Variants in KIAA0319 observed in about 807,000 individuals in gnomAD.
KIAA0319 encodes KIAA0319.
Under a neutral mutation model 108.4 loss-of-function variants are expected in KIAA0319, and 83 were observed. The ratio of observed to expected loss-of-function variants is 0.77; its 90% CI spans 0.64 to 0.92. The LOEUF (loss-of-function observed/expected upper bound fraction) is 0.92. Ranked by LOEUF, KIAA0319 falls within the 40% of genes least tolerant of loss-of-function variation. The pLI, the probability that KIAA0319 is intolerant of heterozygous loss-of-function variation, is 0.00. For synonymous variants in KIAA0319, 484 were observed against 510.4 expected (o/e 0.95, Z 0.70); for missense variants, 1,195 against 1,322.4 (o/e 0.90, Z 1.49).
chr6:24,569,451 T>C (rs181081966), intron 12 of KIAA0319, among the ~76,000 whole-genome samples: 22 of 152,330 alleles, frequency 1.4e-4, no homozygotes, highest in Admixed American at 1.4e-3. Context: ...CAAGCCTCAG[T>C]TTCTTCAACT....
chr6:24,611,148 G>T (rs1772251134), intron 1 of KIAA0319, among the ~76,000 whole-genome samples: 1 of 150,830 alleles, frequency 6.6e-6, no homozygotes, highest in Non-Finnish European at 1.5e-5. Flanking sequence ...AAAATGGGGA[G>T]TAAATTATAA....
chr6:24,556,647 G>C lies in KIAA0319; in HGVS notation c.2817C>G (p.Asn939Lys). The C allele has an allele frequency of 1.2e-6, 2 of 1,614,022 alleles. No homozygotes were observed. The highest frequency in any genetic ancestry group is 1.7e-6 in the Non-Finnish European group (2 of 1,179,964). Residue 939 changes from asparagine (N) to lysine (K), a missense_variant, in exon 18 of 21, where the codon AAC becomes AAG. Physicochemically the swap from Asn to Lys is moderately conservative, Grantham distance 94 (BLOSUM62 0). Coordinates refer to ENST00000378214, the MANE Select transcript of KIAA0319 (RefSeq NM_014809.4). ...RCICSHLWMENLIQRYIWDGE... is the reference protein window; with the variant it reads ...RCICSHLWMEKLIQRYIWDGE... ...CATCCCAGATATAACGCTGTATAAG[G>C]TTCTCCATCCATAAGTGAGAGCAAA...
chr6:24,549,423 T>A (rs1207505557), intron 20 of KIAA0319, among the ~76,000 whole-genome samples: 1 of 151,478 alleles, frequency 6.6e-6, no homozygotes, highest in African/African-American at 2.4e-5. Context: ...GAAGCGGCCC[T>A]GCCCAGATGT....
intron 1 of KIAA0319, among the ~76,000 whole-genome samples, chr6:24,645,144 A>C (rs747376099): frequency 2.7e-4 from 41 of 152,220 alleles, no homozygotes; most frequent in Non-Finnish European, 5.0e-4. Flanking sequence ...ACTATCAAAA[A>C]CATCATTCAA....
chr6:24,631,152 T>A (rs1775532145), intron 1 of KIAA0319, among the ~76,000 whole-genome samples: 1 of 152,234 alleles, frequency 6.6e-6, no homozygotes, highest in Admixed American at 6.5e-5. Context: ...ATATTCCTAG[T>A]TCAATTTAGC....
At chr6:24,630,690 TA>T (rs1562105079) in intron 1 of KIAA0319, among the ~76,000 whole-genome samples, 8 of 71,224 alleles carry the variant, frequency 1.1e-4, no homozygotes, top group African/African-American at 5.7e-4. Context: ...TGTGTATATA[TA>T]TATATATATA....
intron 1 of KIAA0319, among the ~76,000 whole-genome samples, chr6:24,603,403 T>C (rs935059661): frequency 1.3e-5 from 2 of 152,188 alleles, no homozygotes; most frequent in African/African-American, 4.8e-5. Flanking sequence ...AACACACAAG[T>C]TCATGTTCAA....
chr6:24,585,554 G>T (rs1767340843), intron 4 of KIAA0319, among the ~76,000 whole-genome samples: 1 of 151,976 alleles, frequency 6.6e-6, no homozygotes. Flanking sequence ...CTGCCCTATT[G>T]TTTATGAAAA....
In KIAA0319 at chr6:24,626,404, C is replaced by T. The variant is rs151193501; in HGVS notation, c.-106+19332G>A. 1.6e-4 allele frequency among the ~76,000 whole-genome samples: 25 copies of T among 152,236 alleles called. No individual in the cohort carries two copies. In the East Asian group the frequency reaches 4.3e-3, roughly 26 times the overall value. On this transcript the variant is annotated intron_variant, in intron 1 of 20. Coordinates refer to ENST00000378214, the MANE Select transcript of KIAA0319 (RefSeq NM_014809.4). ...AAAATTAGCTGAGTGTGGTGGCACA[C>T]ACCTGTAATCCCAGCTACTCAGGAG...
intron 14 of KIAA0319, among the ~76,000 whole-genome samples, chr6:24,565,813 C>A (rs1180740918): frequency 1.3e-5 from 2 of 151,144 alleles, no homozygotes; most frequent in Admixed American, 6.6e-5. Context: ...GGCCAAGTCA[C>A]TTCTCATCTC....
chr6:24,603,235 C>A (rs1298801061), intron 1 of KIAA0319, among the ~76,000 whole-genome samples: 1 of 152,106 alleles, frequency 6.6e-6, no homozygotes, highest in African/African-American at 2.4e-5. Context: ...CACCACAACC[C>A]AGACATATTA....
intron 1 of KIAA0319, among the ~76,000 whole-genome samples, chr6:24,619,567 T>C (rs1018384918): frequency 6.6e-6 from 1 of 152,010 alleles, no homozygotes; most frequent in African/African-American, 2.4e-5. Flanking sequence ...GCTGGAGACA[T>C]ACACTGGGAG....
chr6:24,598,531 A>T, intron 2 of KIAA0319: 1 of 445,688 alleles, frequency 2.2e-6, no homozygotes, highest in Non-Finnish European at 4.3e-6. Flanking sequence ...GTTTGGCAAC[A>T]CACCAGGGCT....
At chr6:24,549,947 A>G (rs1452820470) in intron 20 of KIAA0319, among the ~76,000 whole-genome samples, 1 of 152,170 alleles carries the variant, frequency 6.6e-6, no homozygotes, top group East Asian at 1.9e-4. Flanking sequence ...CTATGAATAG[A>G]AACAGGAATG....
chr6:24,630,162 G>C (rs193253087), intron 1 of KIAA0319, among the ~76,000 whole-genome samples: 1 of 152,022 alleles, frequency 6.6e-6, no homozygotes, highest in African/African-American at 2.4e-5. Flanking sequence ...CTGGGTGACA[G>C]AGTGAGACTC....
At chr6:24,579,747 T>C (rs1766180747) in intron 8 of KIAA0319, 111 bp downstream of exon 8, 2 of 751,916 alleles carry the variant, frequency 2.7e-6, no homozygotes, top group Admixed American at 3.0e-5. Flanking sequence ...GAGGTGATCG[T>C]TTATCAAAGT....
intron 1 of KIAA0319, among the ~76,000 whole-genome samples, chr6:24,630,132 T>C (rs1008262248): frequency 1.3e-5 from 2 of 151,376 alleles, no homozygotes; most frequent in Admixed American, 1.3e-4. Flanking sequence ...TGAGAAGAGA[T>C]TGTACCACTG....
Position 24,629,693 on chromosome 6 carries a change from C to A in KIAA0319, c.-106+16043G>T, listed in dbSNP as rs542849684. ...AACAAACCTTGTGACTGAAACGTTG[C>A]TGTCCCCGTGGCTGCTGCTTTAGAT... On this transcript the variant is annotated intron_variant, in intron 1 of 20. Coordinates refer to ENST00000378214, the MANE Select transcript of KIAA0319 (RefSeq NM_014809.4). Among the ~76,000 whole-genome samples the A allele has an allele frequency of 2.0e-5, 3 of 152,050 alleles. No individual in the cohort carries two copies. The East Asian group carries it at 5.8e-4, about 29-fold the overall frequency.
At position 24,580,989 on chromosome 6, in the gene KIAA0319, T is replaced by G; in HGVS notation, c.1216A>C (p.Lys406Gln). The G allele has an allele frequency of 6.2e-7, 1 of 1,612,118 alleles. No homozygotes were observed. The highest frequency in any genetic ancestry group is 1.1e-5 in the South Asian group (1 of 91,038). The part of the protein sequence containing the change: ...SQLSVGLYVF[K>Q]VTVSSENAFG... Reference sequence around the variant, plus strand: ...GCGTTTTCACTAGAAACAGTGACTTTGAAGACATAAAGTCCGACGGACAAC... The same window carrying G: ...GCGTTTTCACTAGAAACAGTGACTTGGAAGACATAAAGTCCGACGGACAAC... Residue 406 changes from lysine to glutamine, a missense_variant, in exon 7 of 21, where the codon AAA becomes CAA. Lys to Gln is a moderately conservative substitution (Grantham distance 53, BLOSUM62 1). Coordinates refer to ENST00000378214, the MANE Select transcript of KIAA0319 (RefSeq NM_014809.4).
Sources: gnomAD v4.1 joint callset for allele counts (sites outside exome capture counted in the v4.1 genomes callset) on GRCh38, gnomAD v4.1.1 for gene constraint, MANE v1.5 for transcripts, NCBI Gene and HGNC (gene_info 2026-07-23, HGNC 2026-07-21) for gene names.